GRIK4: variants seen among roughly 807,000 people sequenced by gnomAD.
GRIK4 encodes the protein glutamate ionotropic receptor kainate type subunit 4.
In GRIK4, 40 loss-of-function variants were observed where a neutral mutation model predicts 104.9. The observed-to-expected ratio is 0.38, with a 90% CI of 0.30 to 0.50. The LOEUF is 0.50. Among genes scored for constraint, GRIK4 ranks in the 20% least tolerant of loss-of-function variants. GRIK4 has a pLI of 0.93. For missense variants in GRIK4, 1,047 were observed against 1,308.1 expected, an observed-to-expected ratio of 0.80 and a Z score of 3.08; for synonymous variants, 485 against 524.9, an observed-to-expected ratio of 0.92 and a Z score of 1.04.
intron 1 of GRIK4, among the ~76,000 whole-genome samples, chr11:120,610,963 G>A (rs138980405): frequency 1.2e-3 from 190 of 152,298 alleles, no homozygotes; most frequent in African/African-American, 3.9e-3. Context: ...GAATGTCAGC[G>A]CAGGAAGAGC....
chr11:120,942,887 T>G (rs1339266360), intron 14 of GRIK4, among the ~76,000 whole-genome samples: 1 of 152,064 alleles, frequency 6.6e-6, no homozygotes, highest in Non-Finnish European at 1.5e-5. Flanking sequence ...AGAGTACTCT[T>G]GATAACGTGG....
intron 13 of GRIK4, among the ~76,000 whole-genome samples, chr11:120,908,796 A>T (rs1283908135): frequency 1.3e-5 from 2 of 152,188 alleles, no homozygotes; most frequent in Non-Finnish European, 2.9e-5. Context: ...ATACCACAGG[A>T]AGTCACCTCC....
At chr11:120,787,347 A>G (rs1952301049) in intron 3 of GRIK4, among the ~76,000 whole-genome samples, 1 of 152,122 alleles carries the variant, frequency 6.6e-6, no homozygotes, top group Non-Finnish European at 1.5e-5. Context: ...AAAAACAGAA[A>G]CAAAACATAG....
chr11:120,973,267 CA>C (rs1333239951), intron 19 of GRIK4, among the ~76,000 whole-genome samples: 3 of 152,088 alleles, frequency 2.0e-5, no homozygotes, highest in African/African-American at 7.2e-5. Flanking sequence ...ACTGTGCTGA[CA>C]GTAGAGTTCA....
chr11:120,613,120 G>A (rs947012203), intron 1 of GRIK4, among the ~76,000 whole-genome samples: 2 of 152,228 alleles, frequency 1.3e-5, no homozygotes, highest in African/African-American at 4.8e-5. Flanking sequence ...TCATATCCAT[G>A]TGTCGTTGTG....
chr11:120,553,530 C>G (rs1948159176), intron 1 of GRIK4, among the ~76,000 whole-genome samples: 1 of 152,170 alleles, frequency 6.6e-6, no homozygotes, highest in African/African-American at 2.4e-5. Context: ...AGTCTCTGAA[C>G]TTGCAGGAAC....
chr11:120,805,358 G>T (rs187277521), intron 4 of GRIK4, among the ~76,000 whole-genome samples: 1 of 152,142 alleles, frequency 6.6e-6, no homozygotes, highest in Non-Finnish European at 1.5e-5. Flanking sequence ...AGATTTGCCC[G>T]TCATGGATGG....
At chr11:120,922,456 C>T (rs1003088980) in intron 13 of GRIK4, among the ~76,000 whole-genome samples, 3 of 152,204 alleles carry the variant, frequency 2.0e-5, no homozygotes, top group African/African-American at 4.8e-5. Context: ...CCCTTGCCTT[C>T]CTGTGAATAG....
At chr11:120,774,790 T>G (rs899602437) in intron 3 of GRIK4, among the ~76,000 whole-genome samples, 1 of 152,162 alleles carries the variant, frequency 6.6e-6, no homozygotes, top group Non-Finnish European at 1.5e-5. Flanking sequence ...GAGTGGGGAC[T>G]CTGAGCTGGT....
chr11:120,893,627 C>T (rs761790756), intron 11 of GRIK4, among the ~76,000 whole-genome samples: 1 of 152,194 alleles, frequency 6.6e-6, no homozygotes. Context: ...GTATGGCGGG[C>T]ACCAGTCATG....
intron 12 of GRIK4, among the ~76,000 whole-genome samples, chr11:120,901,660 G>T (rs1942741326): frequency 6.6e-6 from 1 of 152,194 alleles, no homozygotes; most frequent in South Asian, 2.1e-4. Flanking sequence ...TTCCTACAGG[G>T]TAGGGGTGTC....
chr11:120,789,750 C>T (rs1012538790), intron 3 of GRIK4, among the ~76,000 whole-genome samples: 66 of 152,134 alleles, frequency 4.3e-4, no homozygotes, highest in Non-Finnish European at 5.1e-4. Flanking sequence ...CTCCCGCTGA[C>T]TGAGCCAGTC....
Position 120,953,994 on chromosome 11 carries a change from GGGAGGGC to G in GRIK4, c.1700+1031_1700+1037del. On this transcript the variant is annotated intron_variant, in intron 15 of 20. Coordinates refer to ENST00000527524, the MANE Select transcript of GRIK4 (RefSeq NM_014619.5). The surrounding 1 kb of genome is among the most constrained non-coding windows in gnomAD (Gnocchi z 4.9). ...GTTACCTTTGCCTCTAGGCCACAGT[GGGAGGGC>G]AGACAGTGTTAGAGTGCACATCCCA... Among the ~76,000 whole-genome samples the G allele has an allele frequency of 6.6e-6, 1 of 152,288 alleles. No individual in the cohort carries two copies. Among genetic ancestry groups the G allele is most frequent in the East Asian group, 1.9e-4 (1 of 5,172 alleles).
chr11:120,518,961 G>A (rs1488667762), intron 1 of GRIK4, among the ~76,000 whole-genome samples: 1 of 152,188 alleles, frequency 6.6e-6, no homozygotes, highest in Non-Finnish European at 1.5e-5. Flanking sequence ...GCCTGCAGGA[G>A]CGAAAGTGCT....
intron 3 of GRIK4, among the ~76,000 whole-genome samples, chr11:120,792,741 T>C (rs541825069): frequency 1.3e-5 from 2 of 152,198 alleles, no homozygotes; most frequent in Admixed American, 6.5e-5. Context: ...AGGAAGAATC[T>C]AGGAGGGAAG....
chr11:120,967,402 A>G lies in GRIK4; in HGVS notation c.2395+79A>G. 6.8e-7 allele frequency: 1 copy of G among 1,472,422 alleles called. No homozygotes were observed. Among genetic ancestry groups the G allele is most frequent in the Admixed American group, 2.0e-5 (1 of 50,086 alleles). The allele number at this position is 1,472,422 out of a possible 1,614,324, so 91.2% of individuals were successfully genotyped here. The stretch of plus-strand genomic sequence containing the variant: ...TTTCTCGTGTTCAAATTCCAGGTAC[A>G]CATAATGACTTGTAGGACCCATTGA... On this transcript the variant is annotated intron_variant, in intron 19 of 20. Transcript: ENST00000527524. This position sits in a 1 kb window ranked among gnomAD's most constrained non-coding sequence, Gnocchi z 4.2.
chr11:120,760,381 AC>A, intron 3 of GRIK4, among the ~76,000 whole-genome samples: 1 of 147,554 alleles, frequency 6.8e-6, no homozygotes, highest in African/African-American at 2.5e-5. Context: ...ATATATATAA[AC>A]ATATATATAC....
intron 3 of GRIK4, among the ~76,000 whole-genome samples, chr11:120,742,503 CTAT>C (rs746590214): frequency 2.1e-5 from 3 of 140,736 alleles, no homozygotes; most frequent in East Asian, 2.0e-4. Context: ...TTCAGAATGG[CTAT>C]TATTATTATT....
chr11:120,718,320 C>T (rs922727288), intron 3 of GRIK4, among the ~76,000 whole-genome samples: 1 of 152,166 alleles, frequency 6.6e-6, no homozygotes, highest in Admixed American at 6.5e-5. Flanking sequence ...CTCCCGGTAG[C>T]CTGAGGAGTG....
Sources: gnomAD v4.1 joint callset for allele counts (sites outside exome capture counted in the v4.1 genomes callset) on GRCh38, gnomAD v4.1.1 for gene constraint, Gnocchi (gnomAD v3.1) non-coding constraint, MANE v1.5 for transcripts, NCBI Gene and HGNC (gene_info 2026-07-23, HGNC 2026-07-21) for gene names.